The following ANGPTL5 variants were observed in gnomAD, a reference collection of about 807,000 sequenced individuals.
ANGPTL5 encodes the protein angiopoietin-related protein 5.
ANGPTL5 carries 34 observed loss-of-function variants against 39.4 expected under a neutral mutation model. The observed-to-expected ratio is 0.86, with a 90% CI of 0.66 to 1.15. ANGPTL5 has a LOEUF of 1.15. ANGPTL5 is among the 50% of genes most tolerant of loss of function. ANGPTL5 has a pLI of 0.00. For synonymous variants in ANGPTL5, 146 were observed against 152.1 expected (o/e 0.96, Z 0.29); for missense variants, 467 against 457.5 (o/e 1.02, Z -0.19).
chr11:101,900,066 C>T (rs888056707), intron 7 of ANGPTL5, among the ~76,000 whole-genome samples: 1 of 152,158 alleles, frequency 6.6e-6, no homozygotes, highest in Non-Finnish European at 1.5e-5. Flanking sequence ...TGTATAGATA[C>T]AACACACCTC....
intron 1 of ANGPTL5, among the ~76,000 whole-genome samples, chr11:101,913,096 C>T (rs1307456823): frequency 1.3e-5 from 2 of 152,216 alleles, no homozygotes; most frequent in Non-Finnish European, 2.9e-5. Flanking sequence ...CTAACTGACC[C>T]TCTGTTCCAT....
At chr11:101,897,300 C>A (rs1314528445) in intron 7 of ANGPTL5, among the ~76,000 whole-genome samples, 1 of 152,134 alleles carries the variant, frequency 6.6e-6, no homozygotes, top group Admixed American at 6.5e-5. Context: ...TCCCACTCTG[C>A]AGGTTGCCTA....
intron 5 of ANGPTL5, among the ~76,000 whole-genome samples, chr11:101,904,076 G>C (rs1939957150): frequency 6.6e-6 from 1 of 152,076 alleles, no homozygotes; most frequent in African/African-American, 2.4e-5. Context: ...CCATGCTCCT[G>C]ACTACCACAT....
At chr11:101,915,372 C>T (rs1241743534) in intron 1 of ANGPTL5, 3 of 1,613,770 alleles carry the variant, frequency 1.9e-6, no homozygotes, top group Non-Finnish European at 2.5e-6. Flanking sequence ...CCCCCTCGGC[C>T]CTCGGGAGAG....
chr11:101,901,794 A>T (rs1939904698), intron 6 of ANGPTL5, among the ~76,000 whole-genome samples: 1 of 152,194 alleles, frequency 6.6e-6, no homozygotes, highest in Non-Finnish European at 1.5e-5. Flanking sequence ...AAATAATGGT[A>T]GTAACTCTAA....
At chr11:101,905,384 G>A (rs980081045) in intron 4 of ANGPTL5, among the ~76,000 whole-genome samples, 24 of 152,102 alleles carry the variant, frequency 1.6e-4, no homozygotes, top group African/African-American at 5.8e-4. Context: ...TCCCCAGAAT[G>A]GAATGTCCTC....
rs563938789 is a variant in ANGPTL5 at position 101,900,701 on chromosome 11, G to A, written c.541-151C>T. The A allele has an allele frequency of 1.4e-4, 106 of 777,916 alleles. No individual in the cohort carries two copies. In the African/African-American group the frequency reaches 1.8e-3, roughly 13 times the overall value. 48.2% of individuals were successfully genotyped at this position (777,916 alleles called of 1,614,324 possible). ...TCATATGCCATTAATTTATTCAGAT[G>A]TTTTTTATATTTCTAGAAATAATAC... On this transcript the variant is annotated intron_variant, in intron 6 of 8. Coordinates refer to ENST00000334289, the MANE Select transcript of ANGPTL5 (RefSeq NM_178127.5).
rs951445862 is a variant in ANGPTL5 at position 101,915,257 on chromosome 11, G to A, written c.-93+762C>T. The A allele has an allele frequency of 3.7e-6, 6 of 1,612,098 alleles. No individual in the cohort carries two copies. The African/African-American group carries it at 4.0e-5, about 11-fold the overall frequency. On this transcript the variant is annotated intron_variant, in intron 1 of 8. Coordinates refer to ENST00000334289, the MANE Select transcript of ANGPTL5 (RefSeq NM_178127.5). ...CTGCCATGAGGGAGGTTCTGGGGGC[G>A]AGCAGACAGGCGGCGCTGAAGTGAA... is the stretch of plus-strand genomic sequence containing the variant.
Position 101,891,499 on chromosome 11 carries a change from A to C in ANGPTL5, c.947T>G (p.Val316Gly). Residue 316 changes from valine (V) to glycine (G), a missense_variant, in exon 9 of 9, where the codon GTC (valine) becomes GGC (glycine). By Grantham distance (109) the Val-to-Gly change is moderately radical (BLOSUM62 -3). Transcript: ENST00000334289. ...DNDGCRPACL[V>G]NGQSVKSCSH... ...GCAGCTCTTCACAGACTGACCATTGACCAGGCATGCAGGGCGACACCCATC... is the reference window on the plus strand; with the variant it reads ...GCAGCTCTTCACAGACTGACCATTGCCCAGGCATGCAGGGCGACACCCATC... 6.2e-7 allele frequency: 1 copy of C among 1,614,028 alleles called. No homozygotes were observed. The highest frequency in any genetic ancestry group is 1.1e-5 in the South Asian group (1 of 91,076).
intron 1 of ANGPTL5, among the ~76,000 whole-genome samples, chr11:101,912,039 C>T (rs1230893242): frequency 6.6e-6 from 1 of 152,232 alleles, no homozygotes; most frequent in African/African-American, 2.4e-5. Context: ...TCCCCCTTCA[C>T]TATCCCACTT....
chr11:101,913,420 A>T (rs1565344696), intron 1 of ANGPTL5, among the ~76,000 whole-genome samples: 2 of 152,220 alleles, frequency 1.3e-5, no homozygotes, highest in Admixed American at 1.3e-4. Flanking sequence ...ACTTTTCAGC[A>T]TAAATCTCCT....
chr11:101,906,147 T>A (rs554546801), intron 3 of ANGPTL5, among the ~76,000 whole-genome samples: 18 of 152,270 alleles, frequency 1.2e-4, no homozygotes, highest in African/African-American at 4.3e-4. Flanking sequence ...AATTCTCACT[T>A]TATAAGATGA....
chr11:101,905,641 T>C, intron 4 of ANGPTL5, 103 bp downstream of exon 4: 2 of 808,858 alleles, frequency 2.5e-6, no homozygotes, highest in Admixed American at 2.2e-5. Context: ...AGGCGCTAAA[T>C]AGATGTCTGA....
intron 3 of ANGPTL5, 34 bp from the exon 4 acceptor site, chr11:101,905,881 A>T: frequency 8.2e-7 from 1 of 1,214,026 alleles, no homozygotes. Context: ...GTTAAATATT[A>T]TATTGTTACA....
chr11:101,910,854 T>C (rs1409338346), intron 1 of ANGPTL5, among the ~76,000 whole-genome samples: 1 of 152,120 alleles, frequency 6.6e-6, no homozygotes, highest in Non-Finnish European at 1.5e-5. Context: ...TCTGGTCTTA[T>C]CTCCTACAAC....
At chr11:101,891,697 A>G in intron 8 of ANGPTL5, 99 bp from the exon 9 acceptor site, 2 of 1,193,134 alleles carry the variant, frequency 1.7e-6, no homozygotes, top group East Asian at 5.1e-5. Context: ...ATCTGGAAAT[A>G]GGGTTTAAAT....
chr11:101,895,112 T>A, intron 7 of ANGPTL5, 48 bp from the exon 8 acceptor site: 1 of 1,355,888 alleles, frequency 7.4e-7, no homozygotes, highest in Non-Finnish European at 1.0e-6. Flanking sequence ...CAAATTAGAA[T>A]AATGGTTTAT....
At chr11:101,894,842 T>C (rs753384376) in intron 8 of ANGPTL5, 37 bp downstream of exon 8, 3 of 1,531,138 alleles carry the variant, frequency 2.0e-6, no homozygotes, top group East Asian at 2.3e-5. Context: ...AGTTATAATT[T>C]AGATCTGGAT....
chr11:101,905,023 T>G, intron 4 of ANGPTL5, 116 bp from the exon 5 acceptor site: 1 of 750,348 alleles, frequency 1.3e-6, no homozygotes, highest in Non-Finnish European at 2.3e-6. Context: ...TAGATTGATT[T>G]CTTACTGCTT....
Sources: allele counts gnomAD v4.1 joint callset (sites outside exome capture counted in the v4.1 genomes callset), GRCh38; gene constraint gnomAD v4.1.1; transcripts MANE v1.5; gene names NCBI Gene and HGNC (gene_info 2026-07-23, HGNC 2026-07-21).